The following HERC3 variants were observed in gnomAD, a reference collection of about 807,000 sequenced individuals.
HERC3 encodes probable E3 ubiquitin-protein ligase HERC3.
Under a neutral mutation model 129.9 loss-of-function variants are expected in HERC3, and 58 were observed. The ratio of observed to expected loss-of-function variants is 0.45; its 90% CI spans 0.36 to 0.56. The LOEUF (loss-of-function observed/expected upper bound fraction) is 0.56, where lower values mean the gene tolerates loss of function less well. HERC3 is among the 20% of genes least tolerant of loss of function. The probability of loss-of-function intolerance (pLI) is 0.00; values close to 1 mark genes in which losing one functional copy is unlikely to be tolerated. For missense variants in HERC3, 835 were observed against 1,244.2 expected (o/e 0.67, Z 4.95); for synonymous variants, 430 against 451.0 (o/e 0.95, Z 0.59).
the HERC3 span, among the ~76,000 whole-genome samples, chr4:88,566,581 T>C: frequency 6.6e-6 from 1 of 152,224 alleles, no homozygotes; most frequent in Non-Finnish European, 1.5e-5. Context: ...TGTACTTATA[T>C]TACCAGTGAG....
the HERC3 span, among the ~76,000 whole-genome samples, chr4:88,532,677 C>T: frequency 1.3e-5 from 2 of 152,104 alleles, no homozygotes; most frequent in Non-Finnish European, 2.9e-5. Flanking sequence ...ATCACATTGG[C>T]CCATTATAAT....
chr4:88,680,781 T>A (rs1732693962), intron 20 of HERC3, among the ~76,000 whole-genome samples: 1 of 152,212 alleles, frequency 6.6e-6, no homozygotes, highest in Non-Finnish European at 1.5e-5. Context: ...TAAAAGTAAG[T>A]AACAGCAAAG....
At chr4:88,528,064 A>G in the HERC3 span, 1 of 297,890 alleles carries the variant, frequency 3.4e-6, no homozygotes, top group Non-Finnish European at 6.7e-6. Flanking sequence ...CCTGTATATC[A>G]GAATCATCAC....
intron 1 of HERC3, among the ~76,000 whole-genome samples, chr4:88,593,706 A>T (rs1014769826): frequency 3.3e-5 from 5 of 152,234 alleles, no homozygotes; most frequent in Non-Finnish European, 7.3e-5. Context: ...CTTTCCACAA[A>T]TAAGAAGCTA....
chr4:88,667,529 T>C, intron 13 of HERC3, 41 bp downstream of exon 13: 2 of 1,075,762 alleles, frequency 1.9e-6, no homozygotes, highest in Non-Finnish European at 2.8e-6. Flanking sequence ...TAAAAATGCA[T>C]TTTTGTATCG....
chr4:88,575,176 T>C, the HERC3 span, among the ~76,000 whole-genome samples: 2 of 152,334 alleles, frequency 1.3e-5, no homozygotes, highest in South Asian at 2.1e-4. Flanking sequence ...CAATTACCTA[T>C]TGAAAAGTAT....
chr4:88,668,797 G>A (rs1731311105), intron 14 of HERC3: 1 of 152,194 alleles, frequency 6.6e-6, no homozygotes, highest in Admixed American at 6.5e-5. Flanking sequence ...CGTGAATAAA[G>A]AGATTGTGTT....
chr4:88,582,014 A>G, the HERC3 span, among the ~76,000 whole-genome samples: 1 of 152,182 alleles, frequency 6.6e-6, no homozygotes, highest in Non-Finnish European at 1.5e-5. Context: ...AAATGTTTCT[A>G]TAGTTAAATT....
chr4:88,581,580 A>G, the HERC3 span, among the ~76,000 whole-genome samples: 1 of 151,746 alleles, frequency 6.6e-6, no homozygotes, highest in Non-Finnish European at 1.5e-5. Context: ...TATTGGGATT[A>G]CAGGTGTGTG....
intron 23 of HERC3, 59 bp downstream of exon 23, chr4:88,687,358 A>G: frequency 8.8e-7 from 1 of 1,130,504 alleles, no homozygotes; most frequent in Non-Finnish European, 1.3e-6. Context: ...GCAGTTTTAC[A>G]TTTAAGACCA....
the HERC3 span, among the ~76,000 whole-genome samples, chr4:88,537,885 T>C: frequency 1.3e-5 from 2 of 152,226 alleles, no homozygotes; most frequent in African/African-American, 4.8e-5. Flanking sequence ...GGGATGAAGC[T>C]CGAATAGCAG....
At chr4:88,587,354 A>G in the HERC3 span, among the ~76,000 whole-genome samples, 2 of 152,316 alleles carry the variant, frequency 1.3e-5, no homozygotes, top group Admixed American at 6.5e-5. Flanking sequence ...AACACATTGC[A>G]GCTGATTTTG....
chr4:88,698,915 C>A (rs1156518628), intron 23 of HERC3, among the ~76,000 whole-genome samples: 3 of 132,666 alleles, frequency 2.3e-5, no homozygotes, highest in Non-Finnish European at 4.8e-5. Context: ...CTCTTCTTCC[C>A]CACCTTCCTC....
chr4:88,626,035 A>C (rs1726061231), intron 3 of HERC3, among the ~76,000 whole-genome samples: 1 of 152,132 alleles, frequency 6.6e-6, no homozygotes, highest in African/African-American at 2.4e-5. Context: ...TTGATTTCTT[A>C]AATTGTGACA....
the HERC3 span, among the ~76,000 whole-genome samples, chr4:88,535,051 C>T: frequency 6.6e-6 from 1 of 152,180 alleles, no homozygotes; most frequent in Non-Finnish European, 1.5e-5. Context: ...ATGTAGCTAA[C>T]ACAAGAGTTA....
At chr4:88,657,890 CA>C (rs1418361655) in intron 9 of HERC3, among the ~76,000 whole-genome samples, 1 of 151,444 alleles carries the variant, frequency 6.6e-6, no homozygotes, top group Non-Finnish European at 1.5e-5. Context: ...TCCCATGTGC[CA>C]GGGGCAGCAG....
intron 2 of HERC3, among the ~76,000 whole-genome samples, chr4:88,604,848 A>C (rs1187441750): frequency 2.6e-5 from 4 of 152,220 alleles, no homozygotes; most frequent in African/African-American, 7.2e-5. Flanking sequence ...ACATTTTTAT[A>C]AGCCAATGTA....
chr4:88,561,791 A>G, the HERC3 span, among the ~76,000 whole-genome samples: 2 of 151,990 alleles, frequency 1.3e-5, no homozygotes, highest in Non-Finnish European at 2.9e-5. Flanking sequence ...GGTTTATTTC[A>G]TTTAACATAA....
At chr4:88,679,014 C>G (rs939650029) in intron 19 of HERC3, among the ~76,000 whole-genome samples, 18 of 152,120 alleles carry the variant, frequency 1.2e-4, no homozygotes, top group African/African-American at 3.1e-4. Context: ...AGTCTCTGTC[C>G]CATTTTTACT....
Sources: allele counts gnomAD v4.1 joint callset (sites outside exome capture counted in the v4.1 genomes callset), GRCh38; gene constraint gnomAD v4.1.1; transcripts MANE v1.5; gene names NCBI Gene and HGNC (gene_info 2026-07-23, HGNC 2026-07-21).